The following PTPN13 variants were observed in gnomAD, a reference collection of about 807,000 sequenced individuals.
The protein encoded by PTPN13 is protein tyrosine phosphatase non-receptor type 13.
PTPN13 carries 191 observed loss-of-function variants against 284.0 expected under a neutral mutation model. The observed-to-expected ratio is 0.67, with a 90% CI of 0.60 to 0.76. The LOEUF (loss-of-function observed/expected upper bound fraction) is 0.76. Among genes scored for constraint, PTPN13 ranks in the 30% least tolerant of loss-of-function variants. The pLI is 0.00. For missense variants in PTPN13, 2,797 were observed against 2,939.9 expected (o/e 0.95, Z 1.12); for synonymous variants, 986 against 1,022.3 (o/e 0.96, Z 0.68).
intron 1 of PTPN13, among the ~76,000 whole-genome samples, chr4:86,611,862 A>G (rs1321718668): frequency 6.6e-6 from 1 of 152,202 alleles, no homozygotes; most frequent in Non-Finnish European, 1.5e-5. Context: ...TGAGTATTCA[A>G]CATTACATGC....
chr4:86,785,802 T>G (rs1741825832), intron 39 of PTPN13, 46 bp from the exon 40 acceptor site: 1 of 1,251,766 alleles, frequency 8.0e-7, no homozygotes, highest in Admixed American at 2.4e-5. Context: ...TTCTACTTCC[T>G]CAATAGTTTT....
At position 86,782,184 on chromosome 4, in the gene PTPN13, C is replaced by T. The variant is rs749675393; in HGVS notation, c.5963-17C>T. Reference sequence around the variant, plus strand: ...TTGGATTGGCTCATCCCCTTACTTCCTATATTGTCCTTTCAGGTTCCTACA... The same window carrying T: ...TTGGATTGGCTCATCCCCTTACTTCTTATATTGTCCTTTCAGGTTCCTACA... On this transcript the variant is annotated splice_polypyrimidine_tract_variant and intron_variant, in intron 36 of 47. Coordinates refer to ENST00000411767, the MANE Select transcript of PTPN13 (RefSeq NM_080683.3). 1 of 1,575,622 alleles carries T rather than the reference C, an allele frequency of 6.3e-7. No homozygotes were observed. Among genetic ancestry groups the T allele is most frequent in the Non-Finnish European group, 8.7e-7 (1 of 1,145,338 alleles).
At chr4:86,637,724 T>C (rs2148735089) in intron 2 of PTPN13, among the ~76,000 whole-genome samples, 2 of 143,798 alleles carry the variant, frequency 1.4e-5, no homozygotes, top group East Asian at 2.0e-4. Flanking sequence ...GCCAATATCA[T>C]ACTGAATGGG....
intron 1 of PTPN13, among the ~76,000 whole-genome samples, chr4:86,620,270 ATCC>A (rs929191713): frequency 2.0e-5 from 3 of 152,144 alleles, no homozygotes; most frequent in African/African-American, 7.2e-5. Flanking sequence ...AGCTCAAGCA[ATCC>A]TCCCACCACA....
chr4:86,691,703 C>A (rs981229223), intron 5 of PTPN13, among the ~76,000 whole-genome samples: 1 of 152,134 alleles, frequency 6.6e-6, no homozygotes, highest in South Asian at 2.1e-4. Context: ...GATTAAATAA[C>A]TTGCACATAG....
At chr4:86,766,391 T>A (rs112112777) in intron 26 of PTPN13, 41 bp from the exon 27 acceptor site, 12 of 1,448,962 alleles carry the variant, frequency 8.3e-6, no homozygotes, top group African/African-American at 5.7e-5. Context: ...TAAAAGAACA[T>A]GTAGGATTTT....
In PTPN13 at chr4:86,672,473, A is replaced by G; in HGVS notation, c.224A>G (p.Asp75Gly). 6.2e-7 allele frequency: 1 copy of G among 1,601,634 alleles called. No individual in the cohort carries two copies. Among genetic ancestry groups the G allele is most frequent in the Non-Finnish European group, 8.5e-7 (1 of 1,173,592 alleles). ...SFTDENISNQDLRAFTAPEVL... is the reference protein window; with the variant it reads ...SFTDENISNQGLRAFTAPEVL... ...ACAGATGAAAATATTTCCAATCAGGATCTTCGAGCATTCACTGCACCAGAG... is the reference window on the plus strand; with the variant it reads ...ACAGATGAAAATATTTCCAATCAGGGTCTTCGAGCATTCACTGCACCAGAG... Residue 75 changes from aspartate (D) to glycine (G), a missense_variant, in exon 3 of 48, where the codon GAT becomes GGT. Coordinates refer to ENST00000411767, the MANE Select transcript of PTPN13 (RefSeq NM_080683.3).
chr4:86,752,683 A>G (rs1259876006), intron 19 of PTPN13, among the ~76,000 whole-genome samples: 1 of 152,210 alleles, frequency 6.6e-6, no homozygotes, highest in African/African-American at 2.4e-5. Context: ...TTTTGTATTT[A>G]TTCATTCTTA....
At chr4:86,634,880 A>G (rs1020451748) in intron 1 of PTPN13, among the ~76,000 whole-genome samples, 1 of 152,196 alleles carries the variant, frequency 6.6e-6, no homozygotes, top group Non-Finnish European at 1.5e-5. Flanking sequence ...TGGGATGGAT[A>G]GGATGAAACC....
intron 30 of PTPN13, 49 bp downstream of exon 30, chr4:86,770,248 CAACT>C (rs749122181): frequency 2.0e-6 from 3 of 1,477,354 alleles, no homozygotes; most frequent in East Asian, 4.7e-5. Context: ...ATCAACTTAG[CAACT>C]AACTAATTCA....
intron 1 of PTPN13, among the ~76,000 whole-genome samples, chr4:86,633,246 T>C (rs952476475): frequency 6.6e-6 from 1 of 152,210 alleles, no homozygotes; most frequent in African/African-American, 2.4e-5. Flanking sequence ...CCGTGCTTCC[T>C]TGCCCCTCTC....
chr4:86,803,282 TAAATA>T (rs139900703), intron 42 of PTPN13, among the ~76,000 whole-genome samples: 715 of 150,862 alleles, frequency 4.7e-3, no homozygotes, highest in African/African-American at 0.016. Context: ...ATATATAAAA[TAAATA>T]AAATAAAATA....
At chr4:86,627,221 A>G (rs1578280882) in intron 1 of PTPN13, among the ~76,000 whole-genome samples, 3 of 152,270 alleles carry the variant, frequency 2.0e-5, no homozygotes, top group South Asian at 4.1e-4. Context: ...TACAAGGTAA[A>G]GTTCCAGAGG....
intron 3 of PTPN13, among the ~76,000 whole-genome samples, chr4:86,684,037 A>T (rs562324460): frequency 4.0e-4 from 61 of 152,186 alleles, no homozygotes; most frequent in African/African-American, 1.4e-3. Flanking sequence ...TTCAACAGAC[A>T]TGTATTGAAT....
At chr4:86,738,537 T>A (rs2149156695) in intron 15 of PTPN13, among the ~76,000 whole-genome samples, 1 of 152,354 alleles carries the variant, frequency 6.6e-6, no homozygotes, top group South Asian at 2.1e-4. Flanking sequence ...ATAAAACTTT[T>A]TACCCCCTTT....
At chr4:86,792,760 A>G (rs1742834026) in intron 40 of PTPN13, among the ~76,000 whole-genome samples, 1 of 152,224 alleles carries the variant, frequency 6.6e-6, no homozygotes, top group African/African-American at 2.4e-5. Context: ...AGCCAAACTA[A>G]GCTTCATAAG....
intron 1 of PTPN13, among the ~76,000 whole-genome samples, chr4:86,595,096 A>G (rs1763503781): frequency 6.6e-6 from 1 of 152,124 alleles, no homozygotes; most frequent in Admixed American, 6.5e-5. Flanking sequence ...GGAGTAAGAG[A>G]TTGTGGGGTA....
intron 15 of PTPN13, among the ~76,000 whole-genome samples, chr4:86,736,082 T>C (rs920275002): frequency 2.0e-5 from 3 of 152,232 alleles, no homozygotes; most frequent in South Asian, 4.1e-4. Context: ...TGGCTTGATA[T>C]GAGAGGCAAG....
chr4:86,639,017 G>A (rs1723407170), intron 2 of PTPN13, among the ~76,000 whole-genome samples: 2 of 152,040 alleles, frequency 1.3e-5, no homozygotes, highest in African/African-American at 2.4e-5. Flanking sequence ...GTGGGCAAAG[G>A]ATATGAACAG....
Sources: gnomAD v4.1 joint callset for allele counts (sites outside exome capture counted in the v4.1 genomes callset) on GRCh38, gnomAD v4.1.1 for gene constraint, MANE v1.5 for transcripts, NCBI Gene and HGNC (gene_info 2026-07-23, HGNC 2026-07-21) for gene names.